Variants in FER observed in about 807,000 individuals in gnomAD.
The protein encoded by FER is FER tyrosine kinase, also known as tyrosine-protein kinase Fer.
A neutral mutation model predicts 111.0 loss-of-function variants in FER; 63 were observed. The ratio of observed to expected loss-of-function variants is 0.57; its 90% CI spans 0.46 to 0.70. FER has a LOEUF of 0.70. Among genes scored for constraint, FER ranks in the 30% least tolerant of loss-of-function variants. The pLI, the probability that FER is intolerant of heterozygous loss-of-function variation, is 0.00. For synonymous variants in FER, 327 were observed against 313.9 expected, an observed-to-expected ratio of 1.04 and a Z score of -0.44; for missense variants, 914 against 954.0, an observed-to-expected ratio of 0.96 and a Z score of 0.55.
intron 3 of FER, chr5:108,820,339 A>G (rs572726035): frequency 2.0e-6 from 2 of 985,396 alleles, no homozygotes; most frequent in African/African-American, 3.5e-5. Flanking sequence ...TCAATGCTTA[A>G]TTTTTGGTAG....
At chr5:108,762,996 CTG>C (rs1456433035) in intron 1 of FER, among the ~76,000 whole-genome samples, 25 of 152,312 alleles carry the variant, frequency 1.6e-4, no homozygotes, top group African/African-American at 5.3e-4. Context: ...CTACCTAACA[CTG>C]TGTATTTTAC....
intron 13 of FER, among the ~76,000 whole-genome samples, chr5:109,018,319 A>C (rs952707855): frequency 1.3e-5 from 2 of 151,852 alleles, no homozygotes; most frequent in Non-Finnish European, 2.9e-5. Context: ...TCTTCTGATA[A>C]TTGATTATAT....
At chr5:108,753,560 G>A (rs1037546251) in intron 1 of FER, among the ~76,000 whole-genome samples, 7 of 152,126 alleles carry the variant, frequency 4.6e-5, no homozygotes, top group South Asian at 2.1e-4. Context: ...TTAGCTACAC[G>A]TTACTGTCTT....
At chr5:109,118,304 A>G (rs986487000) in intron 17 of FER, among the ~76,000 whole-genome samples, 2 of 152,172 alleles carry the variant, frequency 1.3e-5, no homozygotes, top group African/African-American at 4.8e-5. Context: ...ATGCTGGATT[A>G]TATTTATTGA....
At chr5:108,986,216 G>A (rs896183870) in intron 13 of FER, among the ~76,000 whole-genome samples, 4 of 150,860 alleles carry the variant, frequency 2.7e-5, no homozygotes, top group Non-Finnish European at 4.4e-5. Context: ...TCAAATATTT[G>A]TTGGCTAATT....
intron 19 of FER, among the ~76,000 whole-genome samples, chr5:109,186,830 C>A (rs1005973193): frequency 1.3e-5 from 2 of 152,158 alleles, no homozygotes; most frequent in African/African-American, 4.8e-5. Context: ...AAAAAGAAAG[C>A]TCGTGATAAA....
chr5:108,900,107 T>G (rs1749790783), intron 10 of FER, among the ~76,000 whole-genome samples: 11 of 152,228 alleles, frequency 7.2e-5, no homozygotes, highest in Admixed American at 7.2e-4. Context: ...CTTTTAGTCA[T>G]TAAGGATTTT....
At chr5:108,903,383 G>T (rs550387009) in intron 10 of FER, among the ~76,000 whole-genome samples, 14 of 152,280 alleles carry the variant, frequency 9.2e-5, no homozygotes, top group African/African-American at 3.1e-4. Context: ...AAAATTGTCA[G>T]GCCAGGCCTG....
chr5:108,851,494 T>C (rs971705135), intron 5 of FER, among the ~76,000 whole-genome samples: 4 of 152,218 alleles, frequency 2.6e-5, no homozygotes, highest in African/African-American at 9.6e-5. Flanking sequence ...ATCAGTCATC[T>C]TCACCTATAT....
Position 108,871,423 on chromosome 5 carries a change from A to T in FER, c.724A>T (p.Asn242Tyr), listed in dbSNP as rs147265497. 2.1e-5 allele frequency: 34 copies of T among 1,611,458 alleles called. No homozygotes were observed. The highest frequency in any genetic ancestry group is 2.9e-5 in the Non-Finnish European group (34 of 1,178,082). The part of the protein sequence containing the change: ...ITSLVTEEIV[N>Y]VHKEIQMSVE... Reference sequence around the variant, plus strand: ...CAGTCTTGTCACAGAGGAAATAGTGAATGTCCATAAAGAGATTCAAATGTC... The same window carrying T: ...CAGTCTTGTCACAGAGGAAATAGTGTATGTCCATAAAGAGATTCAAATGTC... Residue 242 changes from asparagine (N) to tyrosine (Y), a missense_variant, in exon 7 of 20, where the codon AAT (asparagine) becomes TAT (tyrosine). By Grantham distance (143) the Asn-to-Tyr change is moderately radical. Transcript: ENST00000281092.
intron 13 of FER, among the ~76,000 whole-genome samples, chr5:109,005,387 G>A (rs2149790898): frequency 6.6e-6 from 1 of 150,934 alleles, no homozygotes; most frequent in South Asian, 2.1e-4. Flanking sequence ...GTGTGTGTGT[G>A]TATTTCTCTG....
At chr5:108,855,484 G>A (rs1293391712) in intron 5 of FER, among the ~76,000 whole-genome samples, 2 of 151,814 alleles carry the variant, frequency 1.3e-5, no homozygotes, top group South Asian at 4.2e-4. Context: ...AGCCGGGCGC[G>A]GTGGTGGGCG....
At chr5:109,064,989 T>C (rs1774907954) in intron 16 of FER, among the ~76,000 whole-genome samples, 1 of 152,190 alleles carries the variant, frequency 6.6e-6, no homozygotes, top group Non-Finnish European at 1.5e-5. Flanking sequence ...AAATTTATTA[T>C]TGGCAGTCTA....
chr5:109,123,169 T>C (rs1751220974), intron 17 of FER, among the ~76,000 whole-genome samples: 1 of 149,862 alleles, frequency 6.7e-6, no homozygotes, highest in African/African-American at 2.5e-5. Context: ...TTTTTTTTTT[T>C]TTTTGAGACG....
chr5:108,808,300 A>G (rs542750754), intron 3 of FER, among the ~76,000 whole-genome samples: 2 of 152,164 alleles, frequency 1.3e-5, no homozygotes, highest in South Asian at 2.1e-4. Flanking sequence ...GGGTGCATAT[A>G]TTAAATATAA....
chr5:109,110,200 C>G (rs1056196858), intron 17 of FER, among the ~76,000 whole-genome samples: 1 of 151,988 alleles, frequency 6.6e-6, no homozygotes, highest in Non-Finnish European at 1.5e-5. Context: ...CCTTAGGGAA[C>G]TTTAGTAATT....
At chr5:109,112,799 T>A (rs532639932) in intron 17 of FER, among the ~76,000 whole-genome samples, 2 of 152,144 alleles carry the variant, frequency 1.3e-5, no homozygotes, top group African/African-American at 4.8e-5. Context: ...TAAAAATGAA[T>A]GTCTAATGCA....
intron 10 of FER, among the ~76,000 whole-genome samples, chr5:108,927,400 A>G (rs1418239295): frequency 1.3e-5 from 2 of 151,710 alleles, no homozygotes; most frequent in African/African-American, 4.9e-5. Flanking sequence ...AGCTGGGACT[A>G]CAGGCGCCCG....
At chr5:108,864,185 T>C (rs1489438654) in intron 5 of FER, among the ~76,000 whole-genome samples, 1 of 152,166 alleles carries the variant, frequency 6.6e-6, no homozygotes, top group East Asian at 1.9e-4. Context: ...TTAAAAAAAT[T>C]ATGTGTTGCT....
Sources: allele counts gnomAD v4.1 joint callset (sites outside exome capture counted in the v4.1 genomes callset), GRCh38; gene constraint gnomAD v4.1.1; transcripts MANE v1.5; gene names NCBI Gene and HGNC (gene_info 2026-07-23, HGNC 2026-07-21).